The following EPHA6 variants were observed in gnomAD, a reference collection of about 807,000 sequenced individuals.
EPHA6 encodes the protein ephrin type-A receptor 6.
EPHA6 carries 50 observed loss-of-function variants against 112.0 expected under a neutral mutation model. The ratio of observed to expected loss-of-function variants is 0.45; its 90% confidence interval spans 0.36 to 0.56. The LOEUF is 0.56. EPHA6 is among the 20% of genes least tolerant of loss of function. The probability of loss-of-function intolerance (pLI) is 0.00; values close to 1 mark genes in which losing one functional copy is unlikely to be tolerated. For missense variants in EPHA6, 1,280 were observed against 1,417.4 expected, an observed-to-expected ratio of 0.90 and a Z score of 1.56; for synonymous variants, 529 against 490.7, an observed-to-expected ratio of 1.08 and a Z score of -1.03.
intron 5 of EPHA6, among the ~76,000 whole-genome samples, chr3:97,273,474 TG>T (rs1490998585): frequency 6.6e-6 from 1 of 152,164 alleles, no homozygotes; most frequent in Non-Finnish European, 1.5e-5. Context: ...GGAATGAGGC[TG>T]GGGCCTAATA....
rs185623573 is a variant in EPHA6, at chr3:97,135,709, T to C, written c.1115-90555T>C. 3.1e-3 allele frequency among the ~76,000 whole-genome samples: 460 copies of C among 150,708 alleles called. 3 individuals carry two copies. The highest frequency in any genetic ancestry group is 0.01 in the African/African-American group (418 of 40,942). On this transcript the variant is annotated intron_variant, in intron 3 of 17. Transcript: ENST00000389672. ...CCATACTGCTGGTTCCTGCTACTGCTGGTTCTTGCATCTTATTTGAATGGC... is the reference window on the plus strand; with the variant it reads ...CCATACTGCTGGTTCCTGCTACTGCCGGTTCTTGCATCTTATTTGAATGGC...
intron 3 of EPHA6, among the ~76,000 whole-genome samples, chr3:97,040,092 AATG>A (rs1388143587): frequency 1.3e-5 from 2 of 151,248 alleles, no homozygotes; most frequent in Non-Finnish European, 3.0e-5. Flanking sequence ...ATGATAAAAT[AATG>A]ATTATTATAA....
At chr3:96,829,940 C>CGT (rs751107560) in intron 1 of EPHA6, among the ~76,000 whole-genome samples, 6 of 101,398 alleles carry the variant, frequency 5.9e-5, no homozygotes, top group East Asian at 7.4e-4. Context: ...CGTGCATGTG[C>CGT]GCGCGCGCGC....
chr3:97,086,001 C>T (rs2046889001), intron 3 of EPHA6, among the ~76,000 whole-genome samples: 1 of 147,414 alleles, frequency 6.8e-6, no homozygotes, highest in African/African-American at 2.6e-5. Context: ...GTGGCGTGAT[C>T]TCAGCTCACT....
intron 5 of EPHA6, among the ~76,000 whole-genome samples, chr3:97,301,808 T>G (rs983708149): frequency 3.9e-5 from 6 of 152,126 alleles, no homozygotes; most frequent in Non-Finnish European, 8.8e-5. Flanking sequence ...ACATTTTGAT[T>G]AATGTTTAAC....
intron 5 of EPHA6, among the ~76,000 whole-genome samples, chr3:97,258,297 A>G (rs2079385241): frequency 6.6e-6 from 1 of 152,022 alleles, no homozygotes; most frequent in Non-Finnish European, 1.5e-5. Context: ...ACACAGACAC[A>G]CACACGCACA....
intron 15 of EPHA6, among the ~76,000 whole-genome samples, chr3:97,725,123 A>G (rs1576357616): frequency 6.6e-6 from 1 of 152,080 alleles, no homozygotes; most frequent in Non-Finnish European, 1.5e-5. Flanking sequence ...CTCGTGCAGG[A>G]TTTTTAGTGC....
chr3:97,017,686 T>TC (rs1428968214), intron 3 of EPHA6, among the ~76,000 whole-genome samples: 1 of 152,170 alleles, frequency 6.6e-6, no homozygotes, highest in Non-Finnish European at 1.5e-5. Context: ...TGTACGTTAT[T>TC]TGTTTCTTTT....
chr3:97,257,708 CTGTA>C (rs1266120844), intron 5 of EPHA6, among the ~76,000 whole-genome samples: 1 of 151,856 alleles, frequency 6.6e-6, no homozygotes. Context: ...GGTAGAAAAA[CTGTA>C]TGTGTATAGA....
chr3:96,929,275 A>G (rs2040195910), intron 2 of EPHA6, among the ~76,000 whole-genome samples: 1 of 152,208 alleles, frequency 6.6e-6, no homozygotes, highest in Non-Finnish European at 1.5e-5. Flanking sequence ...TACTGCCATC[A>G]TGATGCTAGC....
intron 5 of EPHA6, among the ~76,000 whole-genome samples, chr3:97,356,837 T>C (rs2084103238): frequency 6.6e-6 from 1 of 152,164 alleles, no homozygotes. Flanking sequence ...ATGTCCTTAC[T>C]TGCCTTTGGT....
intron 5 of EPHA6, among the ~76,000 whole-genome samples, chr3:97,376,653 A>T (rs1338467538): frequency 2.6e-5 from 4 of 152,224 alleles, no homozygotes; most frequent in Non-Finnish European, 5.9e-5. Context: ...CTGGACAGTC[A>T]CTTCTGCACT....
At chr3:97,705,223 T>C (rs2033612507) in intron 14 of EPHA6, among the ~76,000 whole-genome samples, 1 of 152,118 alleles carries the variant, frequency 6.6e-6, no homozygotes, top group Non-Finnish European at 1.5e-5. Flanking sequence ...TCTCTAAATC[T>C]TACATTCTCC....
chr3:97,693,107 G>A (rs566505509), intron 14 of EPHA6, among the ~76,000 whole-genome samples: 16 of 152,342 alleles, frequency 1.1e-4, no homozygotes, highest in African/African-American at 3.8e-4. Flanking sequence ...GGAAAATGCT[G>A]TCTGGTTCAG....
intron 5 of EPHA6, among the ~76,000 whole-genome samples, chr3:97,250,653 C>G (rs1280992504): frequency 6.6e-6 from 1 of 152,100 alleles, no homozygotes; most frequent in Non-Finnish European, 1.5e-5. Flanking sequence ...TAATCTATAG[C>G]TATCATATGA....
At chr3:97,066,534 C>T (rs1194809629) in intron 3 of EPHA6, among the ~76,000 whole-genome samples, 1 of 152,110 alleles carries the variant, frequency 6.6e-6, no homozygotes. Context: ...CAGGTAAGTC[C>T]TGCAGGAGAC....
chr3:97,345,929 A>G (rs1270425044), intron 5 of EPHA6, among the ~76,000 whole-genome samples: 1 of 152,152 alleles, frequency 6.6e-6, no homozygotes, highest in Non-Finnish European at 1.5e-5. Context: ...TGGCATTATG[A>G]CAGCAGGTCA....
chr3:97,357,244 T>C (rs752537258), intron 5 of EPHA6, among the ~76,000 whole-genome samples: 2 of 152,198 alleles, frequency 1.3e-5, no homozygotes, highest in Non-Finnish European at 2.9e-5. Context: ...TCTCGCTCTG[T>C]CACCTAGGCT....
intron 5 of EPHA6, among the ~76,000 whole-genome samples, chr3:97,245,105 A>G (rs1175686471): frequency 3.9e-5 from 6 of 152,096 alleles, no homozygotes; most frequent in African/African-American, 1.4e-4. Context: ...AAATTTATAA[A>G]GATAAAACTA....
Sources: allele counts gnomAD v4.1 joint callset (sites outside exome capture counted in the v4.1 genomes callset), GRCh38; gene constraint gnomAD v4.1.1; transcripts MANE v1.5; gene names NCBI Gene and HGNC (gene_info 2026-07-23, HGNC 2026-07-21).